Variants in DMD observed in about 807,000 individuals in gnomAD.
DMD encodes the protein mutant dystrophin.
In DMD, 63 loss-of-function variants were observed where a neutral mutation model predicts 330.1. That is an observed-to-expected ratio of 0.19 (90% CI 0.16 to 0.24). DMD has a LOEUF of 0.24. Ranked by LOEUF, DMD falls within the 10% of genes least tolerant of loss-of-function variation. DMD has a pLI of 1.00. For synonymous variants in DMD, 1,223 were observed against 959.8 expected, an observed-to-expected ratio of 1.27 and a Z score of -5.07; for missense variants, 3,344 against 2,684.1, an observed-to-expected ratio of 1.25 and a Z score of -5.43.
chrX:31,693,883 A>G (rs1485290419), intron 52 of DMD, among the ~76,000 whole-genome samples: 1 of 111,976 alleles, frequency 8.9e-6, no homozygotes, highest in Non-Finnish European at 1.9e-5. Context: ...AAATCTGCAT[A>G]TTGTTCTTTA....
chrX:32,464,591 A>C lies in DMD; in HGVS notation c.3271T>G (p.Cys1091Gly), dbSNP rs1569563736. Reference sequence around the variant, plus strand: ...GCATCATATAAAAATCTTACTCTGCACTGTTTCAGCTGCTTTTTTAGAATT... The same window carrying C: ...GCATCATATAAAAATCTTACTCTGCCCTGTTTCAGCTGCTTTTTTAGAATT... ...SEILKKQLKQ[C>G]RLLVSDIQTI... Residue 1091 changes from cysteine (C) to glycine (G), a missense_variant, in exon 24 of 79, where the codon TGC becomes GGC. Physicochemically the swap from Cys to Gly is radical, Grantham distance 159. Transcript: ENST00000357033. 8.4e-7 allele frequency: 1 copy of C among 1,190,562 alleles called. No homozygotes were observed. Among genetic ancestry groups the C allele is most frequent in the Admixed American group, 2.2e-5 (1 of 46,013 alleles).
rs762866438 is a variant in DMD at position 32,287,517 on chromosome X, T to C, written c.6290+12A>G. The stretch of plus-strand genomic sequence containing the variant: ...TTCTGCAAGTATCAAGAAAAATATA[T>C]GTGTTACCTACCCTTGTCGGTCCTT... On this transcript the variant is annotated intron_variant, in intron 43 of 78. Transcript: ENST00000357033. 1 of 1,204,656 alleles carries C rather than the reference T, an allele frequency of 8.3e-7. No individual in the cohort carries two copies. The highest frequency in any genetic ancestry group is 1.8e-5 in the African/African-American group (1 of 56,923).
At chrX:32,483,852 C>A (rs2042166941) in intron 21 of DMD, among the ~76,000 whole-genome samples, 1 of 93,140 alleles carries the variant, frequency 1.1e-5, no homozygotes, top group Non-Finnish European at 2.1e-5. Context: ...AAGTATTTAT[C>A]CTTTGCTTTA....
At chrX:33,320,684 T>C (rs114093218) in intron 1 of DMD, among the ~76,000 whole-genome samples, 4,796 of 111,898 alleles carry the variant, frequency 0.043, 240 homozygotes, top group African/African-American at 0.14. Flanking sequence ...TGAATTTTGC[T>C]GCATCAATTG....
At chrX:33,231,893 C>T (rs1251477601) in intron 1 of DMD, among the ~76,000 whole-genome samples, 1 of 111,392 alleles carries the variant, frequency 9.0e-6, no homozygotes, top group Non-Finnish European at 1.9e-5. Flanking sequence ...ATGTTTATGC[C>T]TTCCATTGGC....
intron 30 of DMD, among the ~76,000 whole-genome samples, chrX:32,410,310 A>C (rs2098136444): frequency 9.0e-6 from 1 of 111,523 alleles, no homozygotes; most frequent in African/African-American, 3.3e-5. Context: ...CCACTATTGC[A>C]ATTGTATGCA....
At chrX:32,953,223 T>A (rs1316682855) in intron 2 of DMD, among the ~76,000 whole-genome samples, 1 of 109,877 alleles carries the variant, frequency 9.1e-6, no homozygotes, top group Admixed American at 9.8e-5. Flanking sequence ...ATGTAAAAGA[T>A]GAAATGGCGT....
intron 1 of DMD, among the ~76,000 whole-genome samples, chrX:33,222,102 C>T (rs2052192085): frequency 9.0e-6 from 1 of 111,296 alleles, no homozygotes; most frequent in Non-Finnish European, 1.9e-5. Flanking sequence ...AAAAACAGTA[C>T]AAAAGAAGAA....
chrX:32,681,192 C>A (rs2062392508), intron 9 of DMD, among the ~76,000 whole-genome samples: 1 of 111,333 alleles, frequency 9.0e-6, no homozygotes. Flanking sequence ...TCATTCTTTT[C>A]TTATCTAAGC....
intron 44 of DMD, among the ~76,000 whole-genome samples, chrX:32,050,811 T>C (rs1263418542): frequency 2.7e-5 from 3 of 111,049 alleles, no homozygotes; most frequent in African/African-American, 9.9e-5. Flanking sequence ...TTTTCTAAGT[T>C]AACTGAAATA....
At chrX:32,630,072 T>A (rs1295357735) in intron 11 of DMD, among the ~76,000 whole-genome samples, 1 of 112,019 alleles carries the variant, frequency 8.9e-6, no homozygotes, top group Non-Finnish European at 1.9e-5. Flanking sequence ...AACATCCTTT[T>A]CTTTAAGATT....
At chrX:31,198,916 T>A (rs1057021570) in intron 67 of DMD, among the ~76,000 whole-genome samples, 2 of 111,487 alleles carry the variant, frequency 1.8e-5, no homozygotes, top group Admixed American at 1.9e-4. Context: ...GGGGGAGGGG[T>A]GTTTATTTAT....
intron 26 of DMD, among the ~76,000 whole-genome samples, chrX:32,453,994 A>G (rs988286124): frequency 2.7e-5 from 3 of 111,014 alleles, no homozygotes; most frequent in Non-Finnish European, 5.7e-5. Context: ...TCAAGTGAGG[A>G]AGTATGATGA....
chrX:32,187,369 G>T (rs1400691483), intron 44 of DMD, among the ~76,000 whole-genome samples: 1 of 111,259 alleles, frequency 9.0e-6, no homozygotes, highest in Admixed American at 9.6e-5. Flanking sequence ...TTCTACCACA[G>T]GAAAGCATTA....
chrX:31,584,945 T>G (rs2076516407), intron 55 of DMD, among the ~76,000 whole-genome samples: 1 of 110,855 alleles, frequency 9.0e-6, no homozygotes, highest in Non-Finnish European at 1.9e-5. Context: ...ACCTTCCATA[T>G]CCTATAGTCA....
At chrX:32,274,585 A>G (rs1419812218) in intron 43 of DMD, among the ~76,000 whole-genome samples, 2 of 112,296 alleles carry the variant, frequency 1.8e-5, no homozygotes, top group African/African-American at 6.5e-5. Flanking sequence ...ACAAACTTCT[A>G]TTTAATGCAT....
At chrX:33,163,362 C>T (rs1245118501) in intron 1 of DMD, among the ~76,000 whole-genome samples, 1 of 108,635 alleles carries the variant, frequency 9.2e-6, no homozygotes, top group Non-Finnish European at 1.9e-5. Context: ...CATGGTGAAA[C>T]TCCTTCACTA....
chrX:33,106,435 C>T (rs1236635460), intron 1 of DMD, among the ~76,000 whole-genome samples: 1 of 110,372 alleles, frequency 9.1e-6, no homozygotes, highest in African/African-American at 3.4e-5. Flanking sequence ...TGAAGTACAA[C>T]AAAATAAAAA....
chrX:32,722,258 C>A (rs1347627442), intron 7 of DMD, among the ~76,000 whole-genome samples: 2 of 109,225 alleles, frequency 1.8e-5, no homozygotes, highest in Non-Finnish European at 3.8e-5. Flanking sequence ...AACTGTAGAC[C>A]AGAAATAATC....
Sources: gnomAD v4.1 joint callset for allele counts (sites outside exome capture counted in the v4.1 genomes callset) on GRCh38, gnomAD v4.1.1 for gene constraint, MANE v1.5 for transcripts, NCBI Gene and HGNC (gene_info 2026-07-23, HGNC 2026-07-21) for gene names.